IGF1R: variants seen among roughly 807,000 people sequenced by gnomAD.
IGF1R encodes the protein insulin like growth factor 1 receptor.
In IGF1R, 44 loss-of-function variants were observed where a neutral mutation model predicts 144.6. That is an observed-to-expected ratio of 0.30 (90% CI 0.24 to 0.39). IGF1R has a LOEUF of 0.39. IGF1R is among the 10% of genes least tolerant of loss of function. The pLI is 1.00. For missense variants in IGF1R, 1,355 were observed against 1,833.7 expected, an observed-to-expected ratio of 0.74 and a Z score of 4.77; for synonymous variants, 795 against 722.8, an observed-to-expected ratio of 1.10 and a Z score of -1.60.
At chr15:98,667,708 C>T (rs2052780380) in intron 1 of IGF1R, among the ~76,000 whole-genome samples, 1 of 152,146 alleles carries the variant, frequency 6.6e-6, no homozygotes. Flanking sequence ...TTCTCTGTCC[C>T]GCCCGGGGGA....
chr15:98,771,918 T>A (rs567045510), intron 2 of IGF1R, among the ~76,000 whole-genome samples: 245 of 151,218 alleles, frequency 1.6e-3, no homozygotes, highest in Non-Finnish European at 2.7e-3. Flanking sequence ...TTTTTTTTTT[T>A]AAATAGGTAG....
chr15:98,832,447 T>C lies in IGF1R; in HGVS notation c.641-58878T>C, dbSNP rs142675711. ...GGAAAGTTTGTAAAAGTTTACATTATTAGATTACCCCTGAGATGTGTAACC... is the reference window on the plus strand; with the variant it reads ...GGAAAGTTTGTAAAAGTTTACATTACTAGATTACCCCTGAGATGTGTAACC... On this transcript the variant is annotated intron_variant, in intron 2 of 20. Coordinates refer to ENST00000650285, the MANE Select transcript of IGF1R (RefSeq NM_000875.5). Among the ~76,000 whole-genome samples the C allele has an allele frequency of 4.1e-3, 620 of 152,342 alleles. 3 individuals are homozygous for C. The highest frequency in any genetic ancestry group is 6.9e-3 in the Non-Finnish European group (471 of 68,026).
chr15:98,909,250 T>TC (rs2014880094), intron 6 of IGF1R, among the ~76,000 whole-genome samples: 1 of 23,680 alleles, frequency 4.2e-5, no homozygotes, highest in Non-Finnish European at 8.0e-5. Flanking sequence ...TTCTTTTTTT[T>TC]CTTTTTTTTT....
intron 2 of IGF1R, among the ~76,000 whole-genome samples, chr15:98,819,263 A>G (rs1237957899): frequency 6.6e-6 from 1 of 152,150 alleles, no homozygotes; most frequent in Non-Finnish European, 1.5e-5. Flanking sequence ...TTTCAAATTC[A>G]GTGGTCTCTG....
chr15:98,721,981 G>A (rs1431229084), intron 2 of IGF1R, among the ~76,000 whole-genome samples: 1 of 152,176 alleles, frequency 6.6e-6, no homozygotes, highest in Non-Finnish European at 1.5e-5. Flanking sequence ...CCCATAGAGA[G>A]GGAGACTGGG....
chr15:98,703,226 A>G (rs2053779053), intron 1 of IGF1R, among the ~76,000 whole-genome samples: 1 of 152,088 alleles, frequency 6.6e-6, no homozygotes, highest in African/African-American at 2.4e-5. Flanking sequence ...TCATGCCAAT[A>G]TCGGTTGCTT....
intron 2 of IGF1R, among the ~76,000 whole-genome samples, chr15:98,867,118 A>G (rs1393030021): frequency 1.3e-5 from 2 of 151,436 alleles, no homozygotes; most frequent in Non-Finnish European, 2.9e-5. Context: ...GGGATTGTAG[A>G]TGGTGTAAAA....
chr15:98,763,113 A>G (rs2055348407), intron 2 of IGF1R, among the ~76,000 whole-genome samples: 1 of 152,208 alleles, frequency 6.6e-6, no homozygotes, highest in Non-Finnish European at 1.5e-5. Flanking sequence ...TACAGAGATC[A>G]CATGTACTCT....
rs1405393217 is a variant in IGF1R at position 98,961,113 on chromosome 15, A to C, written c.*3671A>C. On this transcript the variant is annotated 3_prime_UTR_variant, in exon 21 of 21. Transcript: ENST00000650285. ...GGAGCCTCCTGCTGGAACGCGACCC[A>C]TCTCTCCCAGGACCCCGGGGATCTT... 1 of 233,366 alleles carries C rather than the reference A, an allele frequency of 4.3e-6. No individual in the cohort carries two copies. Among genetic ancestry groups the C allele is most frequent in the Non-Finnish European group, 8.5e-6 (1 of 117,926 alleles). The allele number at this position is 233,366 out of a possible 1,614,324, so 14.5% of individuals were successfully genotyped here.
At chr15:98,715,131 AT>A (rs1472514870) in intron 2 of IGF1R, among the ~76,000 whole-genome samples, 1 of 152,148 alleles carries the variant, frequency 6.6e-6, no homozygotes, top group Non-Finnish European at 1.5e-5. Context: ...CCCAGGCCTC[AT>A]TGCTATGCCT....
At chr15:98,746,391 T>C (rs1175663861) in intron 2 of IGF1R, among the ~76,000 whole-genome samples, 1 of 152,176 alleles carries the variant, frequency 6.6e-6, no homozygotes, top group Non-Finnish European at 1.5e-5. Context: ...TAGGTTGGTC[T>C]CTTGGATGGC....
At chr15:98,650,320 A>T (rs2052325636) in intron 1 of IGF1R, among the ~76,000 whole-genome samples, 1 of 152,000 alleles carries the variant, frequency 6.6e-6, no homozygotes, top group Admixed American at 6.5e-5. Flanking sequence ...CTTGCCCGTC[A>T]CTTTGGCCCG....
intron 1 of IGF1R, among the ~76,000 whole-genome samples, chr15:98,672,443 G>A (rs542314353): frequency 3.3e-5 from 5 of 152,066 alleles, no homozygotes; most frequent in Admixed American, 2.0e-4. Flanking sequence ...GGTGGTGTGC[G>A]CCTGTAGTCC....
At chr15:98,805,162 G>A (rs886210819) in intron 2 of IGF1R, among the ~76,000 whole-genome samples, 1 of 152,070 alleles carries the variant, frequency 6.6e-6, no homozygotes, top group Non-Finnish European at 1.5e-5. Flanking sequence ...AGGTGTTATC[G>A]GAGCATTACA....
chr15:98,911,141 C>T (rs1299232422), intron 6 of IGF1R, among the ~76,000 whole-genome samples, 174 bp from the exon 7 acceptor site: 1 of 152,144 alleles, frequency 6.6e-6, no homozygotes, highest in Non-Finnish European at 1.5e-5. Context: ...TGGAGCTCTG[C>T]ATAGTGAAAT....
At chr15:98,754,371 G>C (rs750783484) in intron 2 of IGF1R, among the ~76,000 whole-genome samples, 1 of 152,114 alleles carries the variant, frequency 6.6e-6, no homozygotes, top group African/African-American at 2.4e-5. Flanking sequence ...AGTCTTAAGC[G>C]ATCTCCAGGA....
chr15:98,863,626 A>G (rs947494784), intron 2 of IGF1R, among the ~76,000 whole-genome samples: 1 of 152,222 alleles, frequency 6.6e-6, no homozygotes, highest in Non-Finnish European at 1.5e-5. Context: ...TACTAGTCAC[A>G]TGAAGAAGAA....
At chr15:98,895,225 CA>C (rs2014126450) in intron 3 of IGF1R, among the ~76,000 whole-genome samples, 5 of 7,058 alleles carry the variant, frequency 7.1e-4, no homozygotes, top group Admixed American at 5.7e-3. Flanking sequence ...CACAGCACCA[CA>C]CACACACACA....
chr15:98,719,154 CTG>C (rs561199000), intron 2 of IGF1R, among the ~76,000 whole-genome samples: 214 of 152,278 alleles, frequency 1.4e-3, no homozygotes, highest in African/African-American at 4.5e-3. Context: ...TTTTGAATAA[CTG>C]TGTCAAAGAA....
Sources: gnomAD v4.1 joint callset for allele counts (sites outside exome capture counted in the v4.1 genomes callset) on GRCh38, gnomAD v4.1.1 for gene constraint, MANE v1.5 for transcripts, NCBI Gene and HGNC (gene_info 2026-07-23, HGNC 2026-07-21) for gene names.